The following SMG6 variants were observed in gnomAD, a reference collection of about 807,000 sequenced individuals.
The protein encoded by SMG6 is SMG6 nonsense mediated mRNA decay factor, also known as telomerase-binding protein EST1A.
In SMG6, 66 loss-of-function variants were observed where a neutral mutation model predicts 142.2. That is an observed-to-expected ratio of 0.46 (90% CI 0.38 to 0.57). The LOEUF (loss-of-function observed/expected upper bound fraction) is 0.57, where lower values mean the gene tolerates loss of function less well. Ranked by LOEUF, SMG6 falls within the 20% of genes least tolerant of loss-of-function variation. The pLI is 0.00. For synonymous variants in SMG6, 779 were observed against 702.4 expected (o/e 1.11, Z -1.72); for missense variants, 1,793 against 1,832.0 (o/e 0.98, Z 0.39).
chr17:2,242,678 C>A (rs1490676074), intron 9 of SMG6, among the ~76,000 whole-genome samples: 1 of 107,178 alleles, frequency 9.3e-6, no homozygotes, highest in Non-Finnish European at 1.7e-5. Context: ...CACAGACAGG[C>A]TCCATCTCTT....
chr17:2,213,384 A>G (rs2072919625), intron 10 of SMG6, among the ~76,000 whole-genome samples: 1 of 152,194 alleles, frequency 6.6e-6, no homozygotes, highest in Admixed American at 6.5e-5. Context: ...CCACAGATGG[A>G]GCTGTGGAGG....
chr17:2,177,722 A>C (rs992791030), intron 12 of SMG6, among the ~76,000 whole-genome samples: 1 of 152,200 alleles, frequency 6.6e-6, no homozygotes, highest in Non-Finnish European at 1.5e-5. Context: ...TACAGATGGG[A>C]AACAAGTTGG....
Position 2,300,108 on chromosome 17 carries a change from T to C in SMG6, c.645A>G (p.Glu215=). The change falls in exon 2 of 19, where the codon GAA becomes GAG. Residue 215 remains glutamate, a synonymous_variant. Coordinates refer to ENST00000263073, the MANE Select transcript of SMG6 (RefSeq NM_017575.5). The stretch of plus-strand genomic sequence containing the variant: ...CCCCTTTTCCCATCCTCTTTCCTTT[T>C]TCTCCTTTTGCAGCCCCTACTCTCC... The part of the protein sequence containing the change: ...GGGRVGAAKG[E]KGKRMGKGEG... 6.2e-7 allele frequency: 1 copy of C among 1,614,156 alleles called. No individual in the cohort carries two copies. The highest frequency in any genetic ancestry group is 8.5e-7 in the Non-Finnish European group (1 of 1,180,032).
chr17:2,071,419 G>A lies in SMG6; in HGVS notation c.3682-2488C>T, dbSNP rs1324969812. ...TGTGTGTTCTGATGGCAGGACAGAA[G>A]AAAAATCTAGAAGCGAGGTCCAGAG... is the stretch of plus-strand genomic sequence containing the variant. On this transcript the variant is annotated intron_variant, in intron 15 of 18. Coordinates refer to ENST00000263073, the MANE Select transcript of SMG6 (RefSeq NM_017575.5). The surrounding 1 kb of genome is among the most constrained non-coding windows in gnomAD (Gnocchi z 5.6). Among the ~76,000 whole-genome samples, 1 of 152,234 alleles carries A rather than the reference G, an allele frequency of 6.6e-6. No individual in the cohort carries two copies.
At position 2,303,711 on chromosome 17, in the gene SMG6, C is replaced by T. The variant is rs1306053315; in HGVS notation, c.10G>A (p.Gly4Arg). MAE[G>R]LERVRISASE... ...GCGGAGATCCGCACACGCTCCAGCC[C>T]TTCCGCCATCTTCGCGGCTGCTGCT... The change falls in exon 1 of 19, where the codon GGG becomes AGG. Residue 4 changes from glycine (G) to arginine (R), a missense_variant. Gly to Arg is a moderately radical substitution (Grantham distance 125). Coordinates refer to ENST00000263073, the MANE Select transcript of SMG6 (RefSeq NM_017575.5). 1.3e-6 allele frequency: 2 copies of T among 1,492,904 alleles called. No homozygotes were observed. Among genetic ancestry groups the T allele is most frequent in the Non-Finnish European group, 1.8e-6 (2 of 1,127,662 alleles). 92.5% of individuals were successfully genotyped at this position (1,492,904 alleles called of 1,614,324 possible).
intron 8 of SMG6, among the ~76,000 whole-genome samples, chr17:2,246,552 A>G (rs988243752): frequency 4.6e-5 from 7 of 152,334 alleles, no homozygotes; most frequent in African/African-American, 1.7e-4. Context: ...AATGAGTTAC[A>G]CTCATTTAAT....
At chr17:2,153,045 T>C (rs1388024997) in intron 13 of SMG6, among the ~76,000 whole-genome samples, 1 of 152,218 alleles carries the variant, frequency 6.6e-6, no homozygotes, top group Non-Finnish European at 1.5e-5. Flanking sequence ...GAATCTCAAA[T>C]GTATTACGCT....
At chr17:2,194,531 G>A (rs1280944295) in intron 10 of SMG6, among the ~76,000 whole-genome samples, 3 of 151,810 alleles carry the variant, frequency 2.0e-5, no homozygotes, top group Non-Finnish European at 4.4e-5. Flanking sequence ...GCAGTGCACA[G>A]ATATGAAAAT....
chr17:2,188,962 C>A (rs2072077398), intron 10 of SMG6, among the ~76,000 whole-genome samples: 1 of 152,162 alleles, frequency 6.6e-6, no homozygotes, highest in South Asian at 2.1e-4. Flanking sequence ...GCCATACCAC[C>A]CTGAACGCGC....
intron 10 of SMG6, among the ~76,000 whole-genome samples, chr17:2,216,708 G>A (rs751163915): frequency 6.6e-6 from 1 of 152,076 alleles, no homozygotes; most frequent in Non-Finnish European, 1.5e-5. Flanking sequence ...AGTTAGCCTT[G>A]AACATTGTTA....
intron 13 of SMG6, among the ~76,000 whole-genome samples, chr17:2,119,352 C>T (rs780859282): frequency 1.3e-5 from 2 of 151,962 alleles, no homozygotes; most frequent in African/African-American, 2.4e-5. Flanking sequence ...CCACTGCGCC[C>T]GGCCATAATT....
At chr17:2,082,438 C>T (rs2068450275) in intron 14 of SMG6, 1 of 162,578 alleles carries the variant, frequency 6.2e-6, no homozygotes, top group Admixed American at 5.8e-5. Context: ...TCCCTTGCCG[C>T]AGACAGCATC....
At chr17:2,292,325 G>C (rs1038882568) in intron 6 of SMG6, among the ~76,000 whole-genome samples, 1 of 152,192 alleles carries the variant, frequency 6.6e-6, no homozygotes, top group African/African-American at 2.4e-5. Context: ...ATTCCCTCAG[G>C]AATTTGAGTG....
intron 10 of SMG6, among the ~76,000 whole-genome samples, chr17:2,193,173 G>A (rs1415246858): frequency 6.6e-6 from 1 of 152,216 alleles, no homozygotes; most frequent in Non-Finnish European, 1.5e-5. Context: ...GGGCTTGGGT[G>A]CTGTCTATGT....
In SMG6 at chr17:2,236,512, A is replaced by C; in HGVS notation, c.2849T>G (p.Val950Gly). The C allele has an allele frequency of 6.2e-7, 1 of 1,613,132 alleles. No individual in the cohort carries two copies. The highest frequency in any genetic ancestry group is 8.5e-7 in the Non-Finnish European group (1 of 1,179,564). The part of the protein sequence containing the change: ...LQLMTINMFA[V>G]HNSQLKDCFS... ...CTTACCTTTCAGCTGGGAGTTGTGT[A>C]CTGCAAACATATTGATGGTCATAAG... The change falls in exon 10 of 19, where the codon GTA (valine) becomes GGA (glycine). Residue 950 changes from valine (V) to glycine (G), a missense_variant. Physicochemically the swap from Val to Gly is moderately radical, Grantham distance 109. This residue lies in a region of SMG6 where 1,597 missense variants were observed against 1,584.6 expected (regional missense o/e 1.01). Coordinates refer to ENST00000263073, the MANE Select transcript of SMG6 (RefSeq NM_017575.5).
Position 2,121,601 on chromosome 17 carries a change from G to C in SMG6, c.3358-35700C>G, listed in dbSNP as rs1330870579. 3.7e-3 allele frequency among the ~76,000 whole-genome samples: 64 copies of C among 17,160 alleles called. 2 individuals carry two copies. Among genetic ancestry groups the C allele is most frequent in the East Asian group, 0.022 (35 of 1,614 alleles). The allele number at this position is 17,160 out of a possible 152,430, so 11.3% of individuals were successfully genotyped here. ...TACATGTCTGTCTGTGTGTGTGTGT[G>C]TGTGTGTGTGTGTGTGTGTGTGTGT... On this transcript the variant is annotated intron_variant, in intron 13 of 18. Transcript: ENST00000263073.
chr17:2,262,023 A>C (rs2074326891), intron 8 of SMG6, among the ~76,000 whole-genome samples: 1 of 152,256 alleles, frequency 6.6e-6, no homozygotes, highest in Non-Finnish European at 1.5e-5. Flanking sequence ...TTGTGGCACA[A>C]GTAAACTCAA....
At chr17:2,076,542 G>A (rs1007916456) in intron 15 of SMG6, among the ~76,000 whole-genome samples, 1 of 152,214 alleles carries the variant, frequency 6.6e-6, no homozygotes, top group African/African-American at 2.4e-5. Flanking sequence ...ACACATGTGT[G>A]TGCTCTCCCA....
rs1316657783 is a variant in SMG6, at chr17:2,068,794, C to T, written c.3819G>A (p.Leu1273=). The T allele has an allele frequency of 2.5e-6, 4 of 1,614,152 alleles. No individual in the cohort carries two copies. Among genetic ancestry groups the T allele is most frequent in the African/African-American group, 1.3e-5 (1 of 75,064 alleles). ...ARLLESRKYI[L]VVPLIVINEL... ...CTGACTCACCGATGAGGGGCACCAC[C>T]AGGATGTACTTCCTGCTCTCCAGCA... is the stretch of plus-strand genomic sequence containing the variant. Residue 1273 remains leucine, a synonymous_variant, in exon 16 of 19, where the codon CTG becomes CTA. Coordinates refer to ENST00000263073, the MANE Select transcript of SMG6 (RefSeq NM_017575.5). The surrounding 1 kb of genome is among the most constrained non-coding windows in gnomAD (Gnocchi z 6.7).
Sources: allele counts gnomAD v4.1 joint callset (sites outside exome capture counted in the v4.1 genomes callset), GRCh38; gene constraint gnomAD v4.1.1; regional missense constraint gnomAD v4.1.1; non-coding constraint Gnocchi (gnomAD v3.1); transcripts MANE v1.5; gene names NCBI Gene and HGNC (gene_info 2026-07-23, HGNC 2026-07-21).